Variants in TACC2 observed in about 807,000 individuals in gnomAD.
The protein encoded by TACC2 is transforming acidic coiled-coil containing protein 2.
A neutral mutation model predicts 227.3 loss-of-function variants in TACC2; 137 were observed. The ratio of observed to expected loss-of-function variants is 0.60; its 90% CI spans 0.52 to 0.69. The LOEUF is 0.69. TACC2 is among the 30% of genes least tolerant of loss of function. The pLI is 0.00. For synonymous variants in TACC2, 1,523 were observed against 1,487.5 expected, an observed-to-expected ratio of 1.02 and a Z score of -0.55; for missense variants, 3,470 against 3,694.4, an observed-to-expected ratio of 0.94 and a Z score of 1.57.
intron 7 of TACC2, among the ~76,000 whole-genome samples, chr10:122,164,851 G>C (rs1470468141): frequency 6.6e-6 from 1 of 152,190 alleles, no homozygotes; most frequent in Non-Finnish European, 1.5e-5. Context: ...TGGGGACTTG[G>C]GGGTAGGGGT....
intron 8 of TACC2, among the ~76,000 whole-genome samples, chr10:122,201,207 A>ACAG (rs2094826031): frequency 1.3e-5 from 2 of 149,168 alleles, no homozygotes; most frequent in Non-Finnish European, 3.0e-5. Context: ...CAGTGAGAGG[A>ACAG]TGGCCACCTC....
Position 122,237,984 on chromosome 10 carries a change from C to A in TACC2, c.8295C>A (p.Val2765=). Residue 2765 remains valine (V), a synonymous_variant, in exon 18 of 23, where the codon GTC becomes GTA. Transcript: ENST00000369005. ...AGATCATAACCAAGGAGAGAGAGGT[C>A]TCAGAATGGAAAGATAAATATGAAG... is the stretch of plus-strand genomic sequence containing the variant. ...RAEIITKERE[V]SEWKDKYEES... 1.2e-6 allele frequency: 2 copies of A among 1,613,980 alleles called. No individual in the cohort carries two copies. Among genetic ancestry groups the A allele is most frequent in the South Asian group, 1.1e-5 (1 of 91,016 alleles).
chr10:121,993,187 G>C (rs1312128462), intron 1 of TACC2, among the ~76,000 whole-genome samples: 1 of 152,026 alleles, frequency 6.6e-6, no homozygotes, highest in Non-Finnish European at 1.5e-5. Context: ...CTCTCTGGGA[G>C]GTCCTTTGGT....
intron 16 of TACC2, among the ~76,000 whole-genome samples, chr10:122,233,016 C>G (rs1187486757): frequency 1.3e-5 from 2 of 152,136 alleles, no homozygotes; most frequent in African/African-American, 4.8e-5. Context: ...TCCGGTTGTT[C>G]CCTAGAGCAG....
chr10:122,209,288 G>C lies in TACC2; in HGVS notation c.5972-1109G>C, dbSNP rs1270594978. ...CAGGTGCCGGGGGCCTCCGTGTACA[G>C]GCTCCCCTGATCTTCACAGTGGCTC... On this transcript the variant is annotated intron_variant, in intron 8 of 22. Coordinates refer to ENST00000369005, the MANE Select transcript of TACC2 (RefSeq NM_206862.4). This position sits in a 1 kb window ranked among gnomAD's most constrained non-coding sequence, Gnocchi z 4.5. 6.6e-6 allele frequency among the ~76,000 whole-genome samples: 1 copy of C among 152,164 alleles called. No homozygotes were observed. Among genetic ancestry groups the C allele is most frequent in the Non-Finnish European group, 1.5e-5 (1 of 68,038 alleles).
At chr10:122,203,201 G>T in intron 8 of TACC2, among the ~76,000 whole-genome samples, 1 of 152,014 alleles carries the variant, frequency 6.6e-6, no homozygotes. Flanking sequence ...GGTGGTGGCC[G>T]GGCAGAGGGG....
At chr10:122,242,187 C>G (rs911507174) in intron 19 of TACC2, among the ~76,000 whole-genome samples, 186 bp downstream of exon 19, 1 of 152,294 alleles carries the variant, frequency 6.6e-6, no homozygotes, top group East Asian at 1.9e-4. Flanking sequence ...TGGTAACACC[C>G]CCCTGAACTG....
At chr10:122,067,128 G>A (rs114526707) in intron 3 of TACC2, among the ~76,000 whole-genome samples, 1,541 of 152,212 alleles carry the variant, frequency 0.01, 29 homozygotes, top group African/African-American at 0.036. Context: ...ACCATTTTCT[G>A]GGTGTTCTTT....
Position 122,084,138 on chromosome 10 carries a change from A to C in TACC2, c.1638A>C (p.Pro546=), listed in dbSNP as rs1565245806. Residue 546 remains proline (P), a synonymous_variant, in exon 4 of 23, where the codon CCA becomes CCC. Coordinates refer to ENST00000369005, the MANE Select transcript of TACC2 (RefSeq NM_206862.4). ...PKAPSESARG[P]PGPTDGAKVH... ...CACCAAGTGAAAGTGCCAGAGGGCCACCGGGGCCAACGGATGGAGCCAAGG... is the reference window on the plus strand; with the variant it reads ...CACCAAGTGAAAGTGCCAGAGGGCCCCCGGGGCCAACGGATGGAGCCAAGG... 6.2e-7 allele frequency: 1 copy of C among 1,614,054 alleles called. No individual in the cohort carries two copies. The highest frequency in any genetic ancestry group is 1.1e-5 in the South Asian group (1 of 91,074).
At chr10:122,014,486 C>G (rs1407525899) in intron 1 of TACC2, among the ~76,000 whole-genome samples, 1 of 152,170 alleles carries the variant, frequency 6.6e-6, no homozygotes, top group Non-Finnish European at 1.5e-5. Flanking sequence ...GCTGGGATTA[C>G]AGGCATGAGC....
intron 2 of TACC2, among the ~76,000 whole-genome samples, chr10:122,042,149 G>A (rs58769076): frequency 0.094 from 14,295 of 152,138 alleles, 777 homozygotes; most frequent in South Asian, 0.17. Context: ...GTTTCACCGT[G>A]TTAGCCAGGA....
At chr10:122,172,953 C>T (rs993472443) in intron 7 of TACC2, among the ~76,000 whole-genome samples, 3 of 152,140 alleles carry the variant, frequency 2.0e-5, no homozygotes, top group African/African-American at 4.8e-5. Context: ...AGGCTTGTGA[C>T]CAGGAGCCTG....
intron 5 of TACC2, among the ~76,000 whole-genome samples, chr10:122,091,798 G>A (rs1266196841): frequency 1.3e-5 from 2 of 152,222 alleles, no homozygotes; most frequent in African/African-American, 2.4e-5. Flanking sequence ...ATCAGCAGCG[G>A]TCTTGGGGAG....
At chr10:122,217,020 G>A in intron 11 of TACC2, 192 bp downstream of exon 11, 3 of 1,215,744 alleles carry the variant, frequency 2.5e-6, no homozygotes, top group Non-Finnish European at 3.4e-6. Flanking sequence ...GAAAGCAGCT[G>A]TCCCTTGACC....
At chr10:122,001,828 A>T (rs1056296448) in intron 1 of TACC2, among the ~76,000 whole-genome samples, 2 of 152,108 alleles carry the variant, frequency 1.3e-5, no homozygotes, top group Non-Finnish European at 2.9e-5. Context: ...GAAATTTCCT[A>T]TGTCTTCCAC....
At chr10:122,100,250 C>A (rs1346191677) in intron 5 of TACC2, among the ~76,000 whole-genome samples, 15 of 147,454 alleles carry the variant, frequency 1.0e-4, no homozygotes, top group African/African-American at 3.8e-4. Context: ...GGCAACAGAG[C>A]GAGACTCTGT....
At chr10:122,022,743 T>C (rs2135553484) in intron 2 of TACC2, 1 of 152,344 alleles carries the variant, frequency 6.6e-6, no homozygotes, top group South Asian at 2.1e-4. Flanking sequence ...CTATCAGTGT[T>C]GGGCAGATTA....
rs2095889884 is a variant in TACC2, at chr10:122,237,874, A to G, written c.8272-87A>G. The G allele has an allele frequency of 6.2e-6, 6 of 965,900 alleles. No homozygotes were observed. In the South Asian group the frequency reaches 9.2e-5, roughly 15 times the overall value. The allele number at this position is 965,900 out of a possible 1,614,324, so 59.8% of individuals were successfully genotyped here. A position where few individuals can be genotyped will look rare whatever the true frequency, so the allele number is the denominator to read the frequency against. ...GGAAGTTTTCATTCCACATTTATTC[A>G]CCGTCTCCTTTTCTTGATCTATGAA... On this transcript the variant is annotated intron_variant, in intron 17 of 22. Coordinates refer to ENST00000369005, the MANE Select transcript of TACC2 (RefSeq NM_206862.4).
At chr10:122,178,462 C>A (rs2093831013) in intron 7 of TACC2, among the ~76,000 whole-genome samples, 1 of 152,076 alleles carries the variant, frequency 6.6e-6, no homozygotes, top group East Asian at 1.9e-4. Flanking sequence ...CTCTCAAACT[C>A]CCGACCTCAG....
Sources: gnomAD v4.1 joint callset for allele counts (sites outside exome capture counted in the v4.1 genomes callset) on GRCh38, gnomAD v4.1.1 for gene constraint, Gnocchi (gnomAD v3.1) non-coding constraint, MANE v1.5 for transcripts, NCBI Gene and HGNC (gene_info 2026-07-23, HGNC 2026-07-21) for gene names.